The following ANKRD11 variants were observed in gnomAD, a reference collection of about 807,000 sequenced individuals.
The protein encoded by ANKRD11 is ankyrin repeat domain 11, also known as ankyrin repeat domain-containing protein 11.
In ANKRD11, 17 loss-of-function variants were observed where a neutral mutation model predicts 195.7. The observed-to-expected ratio is 0.09, with a 90% CI of 0.06 to 0.13. The LOEUF (loss-of-function observed/expected upper bound fraction) is 0.13. Among genes scored for constraint, ANKRD11 ranks in the 10% least tolerant of loss-of-function variants. The probability of loss-of-function intolerance (pLI) is 1.00; values close to 1 mark genes in which losing one functional copy is unlikely to be tolerated. For missense variants in ANKRD11, 3,735 were observed against 3,566.1 expected (o/e 1.05, Z -1.21); for synonymous variants, 1,953 against 1,528.1 (o/e 1.28, Z -6.49).
intron 1 of ANKRD11, among the ~76,000 whole-genome samples, chr16:89,486,913 G>A (rs2057634165): frequency 6.6e-6 from 1 of 151,652 alleles, no homozygotes; most frequent in African/African-American, 2.4e-5. Context: ...GGAGGCTGAG[G>A]CAGGAGAATT....
intron 3 of ANKRD11, among the ~76,000 whole-genome samples, chr16:89,312,117 C>CG (rs1662142411): frequency 6.6e-6 from 1 of 152,152 alleles, no homozygotes; most frequent in Non-Finnish European, 1.5e-5. Context: ...AGGCTGGTCT[C>CG]GAACTCCCGA....
At chr16:89,436,552 T>C (rs560783624) in intron 1 of ANKRD11, among the ~76,000 whole-genome samples, 4 of 152,204 alleles carry the variant, frequency 2.6e-5, no homozygotes, top group Admixed American at 1.3e-4. Flanking sequence ...TGTTGGGACA[T>C]AGCAAACAGG....
At chr16:89,398,632 C>G (rs2041565211) in intron 2 of ANKRD11, among the ~76,000 whole-genome samples, 1 of 152,192 alleles carries the variant, frequency 6.6e-6, no homozygotes, top group South Asian at 2.1e-4. Context: ...GTTTCAGATA[C>G]TCAGGGGGCT....
At position 89,444,175 on chromosome 16, in the gene ANKRD11, T is replaced by C. The variant is rs114707952; in HGVS notation, c.-144-25807A>G. Among the ~76,000 whole-genome samples, 755 of 152,116 alleles carry C rather than the reference T, an allele frequency of 5.0e-3. 3 individuals carry two copies. The highest frequency in any genetic ancestry group is 0.018 in the African/African-American group (730 of 41,492). On this transcript the variant is annotated intron_variant, in intron 1 of 12. Coordinates refer to ENST00000301030, the MANE Select transcript of ANKRD11 (RefSeq NM_013275.6). ...AAATACTAGTAAGACTCAAAACAGG[T>C]AGATACTGATATGCAAGTTTTAAAA...
At chr16:89,345,223 G>C (rs1054840183) in intron 2 of ANKRD11, among the ~76,000 whole-genome samples, 3 of 152,064 alleles carry the variant, frequency 2.0e-5, no homozygotes, top group African/African-American at 7.2e-5. Flanking sequence ...AAAAAATGGA[G>C]CGGCAAAAAA....
At chr16:89,394,147 C>T (rs1256927657) in intron 2 of ANKRD11, among the ~76,000 whole-genome samples, 1 of 152,194 alleles carries the variant, frequency 6.6e-6, no homozygotes, top group Non-Finnish European at 1.5e-5. Context: ...TCAGCTGCTG[C>T]AAGCACAATG....
rs777920007 is a variant in ANKRD11, at chr16:89,283,962, C to A, written c.2580G>T (p.Ser860=). 2 of 1,613,992 alleles carry A rather than the reference C, an allele frequency of 1.2e-6. No homozygotes were observed. Among genetic ancestry groups the A allele is most frequent in the African/African-American group, 1.3e-5 (1 of 74,898 alleles). ...TCATGTCCCTGTAGTCTGTCACTGGCGAGTCCCAGCTGTCCTCCCCTTTGA... is the reference window on the plus strand; with the variant it reads ...TCATGTCCCTGTAGTCTGTCACTGGAGAGTCCCAGCTGTCCTCCCCTTTGA... ...FDFKGEDSWD[S]PVTDYRDMKS... The change falls in exon 9 of 13, where the codon TCG becomes TCT. Residue 860 remains serine (S), a synonymous_variant. Transcript: ENST00000301030. This position sits in a 1 kb window ranked among gnomAD's most constrained non-coding sequence, Gnocchi z 4.3.
chr16:89,270,422 G>T, intron 12 of ANKRD11: 1 of 353,224 alleles, frequency 2.8e-6, no homozygotes, highest in South Asian at 2.3e-5. Context: ...CCGGGATAAG[G>T]GTGTGCTGCC....
At chr16:89,454,418 A>G (rs920205644) in intron 1 of ANKRD11, among the ~76,000 whole-genome samples, 2 of 152,196 alleles carry the variant, frequency 1.3e-5, no homozygotes, top group Non-Finnish European at 2.9e-5. Context: ...AAAAACCCTA[A>G]GAAAAGGCAA....
intron 2 of ANKRD11, among the ~76,000 whole-genome samples, chr16:89,333,487 G>C (rs1480444976): frequency 1.3e-5 from 2 of 152,204 alleles, no homozygotes. Flanking sequence ...TAGTTTCACT[G>C]CCCCAGGTCC....
At chr16:89,413,172 A>T (rs556983852) in intron 2 of ANKRD11, among the ~76,000 whole-genome samples, 1 of 152,370 alleles carries the variant, frequency 6.6e-6, no homozygotes, top group South Asian at 2.1e-4. Flanking sequence ...TGCAGTTTAA[A>T]GATGCCTAGC....
chr16:89,433,908 A>G lies in ANKRD11; in HGVS notation c.-144-15540T>C, dbSNP rs373129383. The stretch of plus-strand genomic sequence containing the variant: ...CAAGAACTCCTGAGAAAACAGCTAC[A>G]TCGACATCTGGTATTAACATTTGAT... On this transcript the variant is annotated intron_variant, in intron 1 of 12. Coordinates refer to ENST00000301030, the MANE Select transcript of ANKRD11 (RefSeq NM_013275.6). Among the ~76,000 whole-genome samples the G allele has an allele frequency of 3.9e-5, 6 of 152,222 alleles. No individual in the cohort carries two copies. The East Asian group carries it at 7.7e-4, about 19-fold the overall frequency.
chr16:89,313,350 C>A (rs1412155079), intron 3 of ANKRD11: 2 of 1,287,382 alleles, frequency 1.6e-6, no homozygotes, highest in Non-Finnish European at 2.0e-6. Context: ...GATGCAGACA[C>A]CTGCTGGTTC....
intron 2 of ANKRD11, among the ~76,000 whole-genome samples, chr16:89,317,575 G>C (rs1022097016): frequency 2.6e-5 from 4 of 152,094 alleles, no homozygotes; most frequent in Admixed American, 2.6e-4. Flanking sequence ...GTCCCCACCA[G>C]GCCTGTGCTT....
At chr16:89,381,331 C>G (rs796979349) in intron 2 of ANKRD11, among the ~76,000 whole-genome samples, 3 of 76,356 alleles carry the variant, frequency 3.9e-5, no homozygotes, top group African/African-American at 1.1e-4. Flanking sequence ...GACTCTGCTG[C>G]AAAAAAAAAA....
chr16:89,331,467 T>C (rs1418770638), intron 2 of ANKRD11, among the ~76,000 whole-genome samples: 4 of 152,054 alleles, frequency 2.6e-5, no homozygotes, highest in Non-Finnish European at 5.9e-5. Flanking sequence ...TTAAAAGACA[T>C]CAAAGAATCT....
At chr16:89,334,477 A>AG (rs1225715912) in intron 2 of ANKRD11, among the ~76,000 whole-genome samples, 3 of 152,024 alleles carry the variant, frequency 2.0e-5, no homozygotes, top group Non-Finnish European at 4.4e-5. Context: ...CCTCTCACAA[A>AG]GGGGGAGTGT....
intron 4 of ANKRD11, among the ~76,000 whole-genome samples, chr16:89,297,280 C>T (rs891302765): frequency 1.4e-4 from 21 of 152,246 alleles, no homozygotes; most frequent in African/African-American, 5.1e-4. Context: ...CCGTAAAACT[C>T]GAAGACGTCA....
intron 2 of ANKRD11, among the ~76,000 whole-genome samples, chr16:89,352,177 AT>A (rs2039250271): frequency 6.6e-6 from 1 of 152,082 alleles, no homozygotes; most frequent in African/African-American, 2.4e-5. Context: ...GGCGTGAGCC[AT>A]TGCACCTGGC....
Sources: allele counts gnomAD v4.1 joint callset (sites outside exome capture counted in the v4.1 genomes callset), GRCh38; gene constraint gnomAD v4.1.1; non-coding constraint Gnocchi (gnomAD v3.1); transcripts MANE v1.5; gene names NCBI Gene and HGNC (gene_info 2026-07-23, HGNC 2026-07-21).